The following PRKG1 variants were observed in gnomAD, a reference collection of about 807,000 sequenced individuals.
The protein encoded by PRKG1 is cGMP-dependent protein kinase 1.
In PRKG1, 35 loss-of-function variants were observed where a neutral mutation model predicts 88.1. The observed-to-expected ratio is 0.40, with a 90% confidence interval of 0.30 to 0.53. The LOEUF (loss-of-function observed/expected upper bound fraction) is 0.53. Among genes scored for constraint, PRKG1 ranks in the 20% least tolerant of loss-of-function variants. The pLI, the probability that PRKG1 is intolerant of heterozygous loss-of-function variation, is 0.59. For missense variants in PRKG1, 540 were observed against 839.8 expected, an observed-to-expected ratio of 0.64 and a Z score of 4.41; for synonymous variants, 303 against 292.5, an observed-to-expected ratio of 1.04 and a Z score of -0.37.
chr10:52,177,072 G>A (rs553230147), intron 9 of PRKG1, among the ~76,000 whole-genome samples: 10 of 152,082 alleles, frequency 6.6e-5, no homozygotes, highest in Non-Finnish European at 1.2e-4. Flanking sequence ...GATTGGTGAG[G>A]TTGAGTATCC....
intron 9 of PRKG1, among the ~76,000 whole-genome samples, chr10:52,167,928 A>G (rs1838534212): frequency 6.6e-6 from 1 of 152,172 alleles, no homozygotes; most frequent in African/African-American, 2.4e-5. Flanking sequence ...GTCAAAATCT[A>G]TGTGAAGCCT....
chr10:51,763,706 G>A (rs2132532262), intron 3 of PRKG1, among the ~76,000 whole-genome samples: 1 of 151,530 alleles, frequency 6.6e-6, no homozygotes, highest in East Asian at 1.9e-4. Context: ...TTGATCTGTT[G>A]CTTATAGCAG....
At chr10:51,925,968 A>G (rs1842565037) in intron 5 of PRKG1, among the ~76,000 whole-genome samples, 2 of 152,174 alleles carry the variant, frequency 1.3e-5, no homozygotes, top group Admixed American at 1.3e-4. Context: ...ATCACCATCT[A>G]AAGCACTTAG....
chr10:51,662,375 T>C (rs967168497), intron 3 of PRKG1, among the ~76,000 whole-genome samples: 11 of 152,106 alleles, frequency 7.2e-5, no homozygotes, highest in African/African-American at 2.7e-4. Context: ...TTCTTGAGGA[T>C]AAAAGATAAA....
At chr10:51,510,148 A>G (rs761106459) in intron 3 of PRKG1, among the ~76,000 whole-genome samples, 1 of 152,136 alleles carries the variant, frequency 6.6e-6, no homozygotes, top group Non-Finnish European at 1.5e-5. Context: ...GAGGAAGAAA[A>G]ATTGACCTTT....
chr10:52,056,131 G>A (rs1433311192), intron 6 of PRKG1, among the ~76,000 whole-genome samples: 1 of 152,132 alleles, frequency 6.6e-6, no homozygotes, highest in African/African-American at 2.4e-5. Flanking sequence ...CACGGTTACA[G>A]TTAAAATTAT....
chr10:51,016,755 A>G (rs1406186277), intron 1 of PRKG1, among the ~76,000 whole-genome samples: 1 of 130,566 alleles, frequency 7.7e-6, no homozygotes, highest in Non-Finnish European at 1.6e-5. Flanking sequence ...TGGAAACTCC[A>G]CCTCCCAGGG....
At chr10:51,775,969 C>T (rs896835885) in intron 3 of PRKG1, among the ~76,000 whole-genome samples, 9 of 152,014 alleles carry the variant, frequency 5.9e-5, no homozygotes, top group Non-Finnish European at 1.3e-4. Flanking sequence ...ATTGTTATTC[C>T]TTTCTTTATT....
intron 2 of PRKG1, among the ~76,000 whole-genome samples, chr10:51,275,675 A>G (rs1480765430): frequency 6.6e-6 from 1 of 152,190 alleles, no homozygotes; most frequent in East Asian, 1.9e-4. Context: ...AGCTGATGAG[A>G]CAAGAAAAAG....
intron 1 of PRKG1, among the ~76,000 whole-genome samples, 188 bp from the exon 2 acceptor site, chr10:51,152,976 C>CTTT (rs1283273580): frequency 0.021 from 2,383 of 112,328 alleles, 110 homozygotes; most frequent in African/African-American, 0.048. Context: ...TTCTTAGTGC[C>CTTT]TTTTTTTTTT....
chr10:51,074,816 C>A lies in PRKG1; in HGVS notation c.226C>A (p.Arg76=), dbSNP rs919667557. 8.1e-6 allele frequency: 13 copies of A among 1,613,714 alleles called. No homozygotes were observed. In the South Asian group the frequency reaches 1.2e-4, roughly 15 times the overall value. The part of the protein sequence containing the change: ...STLQGEPRTK[R]QAISAEPTAF... ...CTTGCAGGGCGAGCCGCGCACCAAG[C>A]GGCAGGCGATCTCCGCCGAGCCCAC... The change falls in exon 1 of 18, where the codon CGG becomes AGG. Residue 76 remains arginine, a synonymous_variant. Transcript: ENST00000373980.
chr10:52,139,609 A>G (rs1189004061), intron 8 of PRKG1, among the ~76,000 whole-genome samples: 1 of 152,168 alleles, frequency 6.6e-6, no homozygotes, highest in African/African-American at 2.4e-5. Flanking sequence ...ATTGGAACCC[A>G]GAGTGCCAAA....
intron 3 of PRKG1, among the ~76,000 whole-genome samples, chr10:51,672,964 G>A (rs1397310201): frequency 6.6e-6 from 1 of 152,140 alleles, no homozygotes; most frequent in Non-Finnish European, 1.5e-5. Context: ...GATCTCAGTT[G>A]TATCTTCTAG....
chr10:51,880,340 T>C (rs561464920), intron 4 of PRKG1, among the ~76,000 whole-genome samples: 1 of 152,192 alleles, frequency 6.6e-6, no homozygotes, highest in East Asian at 1.9e-4. Context: ...TTATGAAGCT[T>C]GATGACATTT....
At chr10:52,156,207 T>G (rs1269327630) in intron 8 of PRKG1, among the ~76,000 whole-genome samples, 1 of 145,632 alleles carries the variant, frequency 6.9e-6, no homozygotes, top group Non-Finnish European at 1.6e-5. Flanking sequence ...AAGAAAATAC[T>G]AATAATTAGT....
At chr10:51,392,979 G>A (rs1329250800) in intron 2 of PRKG1, among the ~76,000 whole-genome samples, 32 of 146,994 alleles carry the variant, frequency 2.2e-4, no homozygotes, top group Admixed American at 1.7e-3. Context: ...CCTCCCTCCC[G>A]GACAGGGTAG....
At chr10:51,076,979 C>A (rs913950768) in intron 1 of PRKG1, among the ~76,000 whole-genome samples, 4 of 152,052 alleles carry the variant, frequency 2.6e-5, no homozygotes, top group Non-Finnish European at 4.4e-5. Flanking sequence ...TGATAGAATG[C>A]CTTCCAAGCT....
At chr10:51,791,963 A>G (rs1433506255) in intron 3 of PRKG1, among the ~76,000 whole-genome samples, 1 of 152,070 alleles carries the variant, frequency 6.6e-6, no homozygotes, top group Non-Finnish European at 1.5e-5. Context: ...CTAGGAAGAT[A>G]CTCTTAATTA....
At chr10:51,426,674 A>C (rs1409725865) in intron 2 of PRKG1, among the ~76,000 whole-genome samples, 2 of 152,170 alleles carry the variant, frequency 1.3e-5, no homozygotes, top group African/African-American at 4.8e-5. Context: ...TTTCCAAAAG[A>C]CAAAAATATA....
Sources: gnomAD v4.1 joint callset for allele counts (sites outside exome capture counted in the v4.1 genomes callset) on GRCh38, gnomAD v4.1.1 for gene constraint, MANE v1.5 for transcripts, NCBI Gene and HGNC (gene_info 2026-07-23, HGNC 2026-07-21) for gene names.